The following ELMO1 variants were observed in gnomAD, a reference collection of about 807,000 sequenced individuals.
ELMO1 encodes the protein engulfment and cell motility protein 1.
A neutral mutation model predicts 98.9 loss-of-function variants in ELMO1; 26 were observed. The observed-to-expected ratio is 0.26, with a 90% CI of 0.19 to 0.36. The LOEUF (loss-of-function observed/expected upper bound fraction) is 0.36, where lower values mean the gene tolerates loss of function less well. Among genes scored for constraint, ELMO1 ranks in the 10% least tolerant of loss-of-function variants. The pLI, the probability that ELMO1 is intolerant of heterozygous loss-of-function variation, is 1.00. For missense variants in ELMO1, 627 were observed against 935.2 expected (o/e 0.67, Z 4.30); for synonymous variants, 346 against 346.0 (o/e 1.00, Z 0.00).
At chr7:37,378,872 G>A (rs115048912) in intron 1 of ELMO1, among the ~76,000 whole-genome samples, 28 of 152,094 alleles carry the variant, frequency 1.8e-4, no homozygotes, top group African/African-American at 3.9e-4. Flanking sequence ...TTGGACTCCT[G>A]CAGTAGCCTC....
At chr7:37,031,150 T>C (rs770412256) in intron 15 of ELMO1, among the ~76,000 whole-genome samples, 1 of 152,130 alleles carries the variant, frequency 6.6e-6, no homozygotes, top group Non-Finnish European at 1.5e-5. Context: ...GCTACAATGG[T>C]CTCCCAGTCT....
chr7:37,335,483 G>T (rs752736268), intron 2 of ELMO1, among the ~76,000 whole-genome samples: 7 of 152,208 alleles, frequency 4.6e-5, no homozygotes, highest in Non-Finnish European at 7.3e-5. Flanking sequence ...GAAAAATATG[G>T]AAGGATGCAA....
chr7:37,079,104 T>C (rs1018497787), intron 15 of ELMO1, among the ~76,000 whole-genome samples: 2 of 152,224 alleles, frequency 1.3e-5, no homozygotes, highest in Non-Finnish European at 2.9e-5. Context: ...TATTAAGATG[T>C]GTGTAAAGAC....
chr7:36,855,224 G>A lies in ELMO1; in HGVS notation c.*327C>T, dbSNP rs1404142111. On this transcript the variant is annotated 3_prime_UTR_variant, in exon 22 of 22. Coordinates refer to ENST00000310758, the MANE Select transcript of ELMO1 (RefSeq NM_014800.11). The surrounding 1 kb of genome is among the most constrained non-coding windows in gnomAD (Gnocchi z 4.2). ...GGGGCTGCTGGCTTTCCTGCCCAAG[G>A]GAAGGAAGGGCATGCCTGCAGAGGG... 1 of 343,590 alleles carries A rather than the reference G, an allele frequency of 2.9e-6. No individual in the cohort carries two copies. The highest frequency in any genetic ancestry group is 5.5e-6 in the Non-Finnish European group (1 of 182,000). The allele number at this position is 343,590 out of a possible 1,614,324, so 21.3% of individuals were successfully genotyped here.
chr7:37,445,943 T>G (rs1217362231), intron 1 of ELMO1, among the ~76,000 whole-genome samples: 1 of 152,228 alleles, frequency 6.6e-6, no homozygotes, highest in Non-Finnish European at 1.5e-5. Context: ...GGAATGGTTA[T>G]GTGTCATTAA....
chr7:37,230,412 G>A (rs942704366), intron 8 of ELMO1, among the ~76,000 whole-genome samples: 3 of 152,144 alleles, frequency 2.0e-5, no homozygotes, highest in Middle Eastern at 3.2e-3. Flanking sequence ...CGGGAACTAT[G>A]CCTTCCACCA....
chr7:37,206,889 G>C (rs1792657573), intron 13 of ELMO1, among the ~76,000 whole-genome samples: 2 of 151,426 alleles, frequency 1.3e-5, no homozygotes, highest in African/African-American at 4.9e-5. Context: ...AAACAAAGCA[G>C]CTAGAAAAAA....
intron 7 of ELMO1, among the ~76,000 whole-genome samples, chr7:37,234,741 GA>G (rs1188296859): frequency 1.3e-5 from 2 of 152,218 alleles, no homozygotes; most frequent in African/African-American, 4.8e-5. Context: ...TTGGAGAAAT[GA>G]AAACAAGCAA....
intron 13 of ELMO1, among the ~76,000 whole-genome samples, chr7:37,200,666 T>G (rs1240801326): frequency 6.6e-6 from 1 of 152,048 alleles, no homozygotes; most frequent in East Asian, 1.9e-4. Flanking sequence ...TCTCTTCCCT[T>G]TTAAAATTCC....
At chr7:37,128,003 G>A (rs892342905) in intron 14 of ELMO1, among the ~76,000 whole-genome samples, 4 of 152,222 alleles carry the variant, frequency 2.6e-5, no homozygotes, top group East Asian at 1.9e-4. Context: ...GACCAGCCTG[G>A]CCAACACGGC....
rs189415286 is a variant in ELMO1, at chr7:37,032,148, G to A, written c.1301-18713C>T. Among the ~76,000 whole-genome samples, 17 of 152,186 alleles carry A rather than the reference G, an allele frequency of 1.1e-4. No homozygotes were observed. In the East Asian group the frequency reaches 2.5e-3, roughly 22 times the overall value. ...TGATTGGCTTCCTTTGTATGTTCAC[G>A]GTGACTCAGAAGAGATGACTCACAG... On this transcript the variant is annotated intron_variant, in intron 15 of 21. Transcript: ENST00000310758.
At chr7:37,319,620 C>G (rs1008399281) in intron 2 of ELMO1, among the ~76,000 whole-genome samples, 3 of 152,168 alleles carry the variant, frequency 2.0e-5, no homozygotes, top group African/African-American at 7.2e-5. Context: ...AAAATCGTAC[C>G]TTCCATCAGT....
At chr7:37,287,392 G>A (rs1797446921) in intron 4 of ELMO1, among the ~76,000 whole-genome samples, 1 of 152,108 alleles carries the variant, frequency 6.6e-6, no homozygotes, top group Non-Finnish European at 1.5e-5. Flanking sequence ...GTGGCAGCTT[G>A]GACATAGTCC....
chr7:37,257,821 A>G (rs943073157), intron 6 of ELMO1, among the ~76,000 whole-genome samples: 4 of 150,974 alleles, frequency 2.6e-5, no homozygotes, highest in African/African-American at 9.8e-5. Flanking sequence ...TGACATGGTG[A>G]AACCCTGTCT....
chr7:36,876,622 T>C (rs1804010542), intron 19 of ELMO1, among the ~76,000 whole-genome samples: 1 of 152,110 alleles, frequency 6.6e-6, no homozygotes, highest in East Asian at 1.9e-4. Flanking sequence ...GAATGTGCAT[T>C]GCTAAGAAGT....
chr7:37,059,477 C>T (rs1796556816), intron 15 of ELMO1, among the ~76,000 whole-genome samples: 1 of 152,096 alleles, frequency 6.6e-6, no homozygotes, highest in East Asian at 1.9e-4. Context: ...TATATTTTTC[C>T]TCTTTCATTG....
chr7:36,911,292 A>G (rs574002702), intron 16 of ELMO1, among the ~76,000 whole-genome samples: 1 of 152,318 alleles, frequency 6.6e-6, no homozygotes, highest in South Asian at 2.1e-4. Flanking sequence ...AAAAGATACA[A>G]TTTTAGAAAA....
chr7:37,071,502 A>G lies in ELMO1; in HGVS notation c.1300+25117T>C, dbSNP rs151122874. Reference sequence around the variant, plus strand: ...AGTGGGACTATAGTTCAAGAACAGAATCAATTTTGGGTGTTTTGATTCAAA... The same window carrying G: ...AGTGGGACTATAGTTCAAGAACAGAGTCAATTTTGGGTGTTTTGATTCAAA... On this transcript the variant is annotated intron_variant, in intron 15 of 21. Coordinates refer to ENST00000310758, the MANE Select transcript of ELMO1 (RefSeq NM_014800.11). 1.6e-3 allele frequency among the ~76,000 whole-genome samples: 240 copies of G among 152,336 alleles called. 1 individual carries two copies. The highest frequency in any genetic ancestry group is 5.6e-3 in the African/African-American group (234 of 41,584).
chr7:37,152,397 G>A (rs1206367341), intron 13 of ELMO1, among the ~76,000 whole-genome samples: 2 of 151,870 alleles, frequency 1.3e-5, no homozygotes, highest in East Asian at 3.9e-4. Context: ...CTGGGTGAGA[G>A]GTCTGGATCT....
Sources: allele counts gnomAD v4.1 joint callset (sites outside exome capture counted in the v4.1 genomes callset), GRCh38; gene constraint gnomAD v4.1.1; non-coding constraint Gnocchi (gnomAD v3.1); transcripts MANE v1.5; gene names NCBI Gene and HGNC (gene_info 2026-07-23, HGNC 2026-07-21).